Variants in SH3BP1 observed in about 807,000 individuals in gnomAD.
SH3BP1 encodes the protein SH3 domain-binding protein 1.
In SH3BP1, 46 loss-of-function variants were observed where a neutral mutation model predicts 69.8. The observed-to-expected ratio is 0.66, with a 90% confidence interval of 0.52 to 0.84. SH3BP1 has a LOEUF of 0.84. Ranked by LOEUF, SH3BP1 falls within the 40% of genes least tolerant of loss-of-function variation. The pLI, the probability that SH3BP1 is intolerant of heterozygous loss-of-function variation, is 0.00. For missense variants in SH3BP1, 868 were observed against 930.9 expected, an observed-to-expected ratio of 0.93 and a Z score of 0.88; for synonymous variants, 403 against 378.0, an observed-to-expected ratio of 1.07 and a Z score of -0.77.
chr22:37,651,434 A>G (rs1932877345), intron 16 of SH3BP1, among the ~76,000 whole-genome samples: 1 of 151,222 alleles, frequency 6.6e-6, no homozygotes. Flanking sequence ...GGTTCAAGCA[A>G]TTCTCCTGCC....
At position 37,650,610 on chromosome 22, in the gene SH3BP1, G is replaced by C; in HGVS notation, c.1483G>C (p.Ala495Pro). 6.2e-7 allele frequency: 1 copy of C among 1,614,000 alleles called. No individual in the cohort carries two copies. The highest frequency in any genetic ancestry group is 1.6e-4 in the Middle Eastern group (1 of 6,062). ...CCAGGACACAGTCAGTGACAGGCTG[G>C]CCTCTGAGGAACTTCCGTCCACTGC... ...TLQDTVSDRL[A>P]SEELPSTAVP... Residue 495 changes from alanine to proline, a missense_variant, in exon 16 of 18, where the codon GCC (alanine) becomes CCC (proline). This residue lies in a region of SH3BP1 where 474 missense variants were observed against 462.3 expected (regional missense o/e 1.03). Transcript: ENST00000649765.
intron 3 of SH3BP1, chr22:37,641,744 G>A (rs139978902): frequency 2.1e-4 from 89 of 423,974 alleles, no homozygotes; most frequent in Non-Finnish European, 3.1e-4. Flanking sequence ...CAATCAGTGC[G>A]CAAGAGCAGG....
Position 37,655,499 on chromosome 22 carries a change from TC to T in SH3BP1, c.1926del (p.Ser643AlafsTer15). ...GCGCCAAAGCCGGCGTTCACCAGCC[TC>T]CCCCAGCCCGGCCTCCCCAGGTCCA... ...ARRQSRRSPA[S>X]PSPASPGPAS... On this transcript the variant is annotated frameshift_variant, in exon 18 of 18. Coordinates refer to ENST00000649765, the MANE Select transcript of SH3BP1 (RefSeq NM_018957.6). LOFTEE classifies it low-confidence loss of function (END_TRUNC). 8.1e-7 allele frequency: 1 copy of T among 1,241,912 alleles called. No individual in the cohort carries two copies. The highest frequency in any genetic ancestry group is 1.0e-6 in the Non-Finnish European group (1 of 963,814). 76.9% of individuals were successfully genotyped at this position (1,241,912 alleles called of 1,614,324 possible). A position where few individuals can be genotyped will look rare whatever the true frequency, so the allele number is the denominator to read the frequency against.
chr22:37,646,893 C>G lies in SH3BP1; in HGVS notation c.1000C>G (p.Leu334Val). The G allele has an allele frequency of 6.4e-7, 1 of 1,563,098 alleles. No individual in the cohort carries two copies. Among genetic ancestry groups the G allele is most frequent in the South Asian group, 1.2e-5 (1 of 85,440 alleles). The change falls in exon 11 of 18, where the codon CTG (leucine) becomes GTG (valine). Residue 334 changes from leucine to valine, a missense_variant. Coordinates refer to ENST00000649765, the MANE Select transcript of SH3BP1 (RefSeq NM_018957.6). Reference protein sequence around the residue: ...KQTMASDPHSLEEFCSDPHAV... With the variant: ...KQTMASDPHSVEEFCSDPHAV... Reference sequence around the variant, plus strand: ...GACAATGGCCTCGGACCCCCACAGCCTGGAGGAGTTCTGCTCCGACCCGCA... The same window carrying G: ...GACAATGGCCTCGGACCCCCACAGCGTGGAGGAGTTCTGCTCCGACCCGCA...
intron 9 of SH3BP1, 70 bp from the exon 10 acceptor site, chr22:37,645,294 AG>A (rs1030631361): frequency 2.2e-5 from 34 of 1,538,658 alleles, no homozygotes; most frequent in African/African-American, 1.8e-4. Context: ...GAGGACATGA[AG>A]GGGGGGTGCC....
chr22:37,654,306 C>A (rs1932954385), intron 17 of SH3BP1, among the ~76,000 whole-genome samples: 1 of 152,132 alleles, frequency 6.6e-6, no homozygotes, highest in African/African-American at 2.4e-5. Context: ...CACAGTGGCT[C>A]ACACATGTAA....
At chr22:37,647,066 C>A in intron 11 of SH3BP1, 137 bp downstream of exon 11, 2 of 720,666 alleles carry the variant, frequency 2.8e-6, no homozygotes, top group Non-Finnish European at 2.2e-6. Flanking sequence ...AATGTGGGGT[C>A]CATCATGAGC....
chr22:37,645,937 T>G (rs1231583743), intron 10 of SH3BP1, among the ~76,000 whole-genome samples: 1 of 150,264 alleles, frequency 6.7e-6, no homozygotes, highest in East Asian at 2.0e-4. Flanking sequence ...CCTGCTGTGC[T>G]GGGGCCTCCT....
chr22:37,641,543 G>C, intron 3 of SH3BP1, 65 bp downstream of exon 3: 1 of 1,363,610 alleles, frequency 7.3e-7, no homozygotes. Flanking sequence ...GGGAAGCAAG[G>C]TCGGGGCTGG....
rs375662492 is a variant in SH3BP1, at chr22:37,642,844, G to C, written c.285-51G>C. On this transcript the variant is annotated intron_variant, in intron 4 of 17. Transcript: ENST00000649765. ...GGAGAGGCCCCACCAAGTGTTTCCAGTGGAGGTGAGGGCAGCGGGCGCCTG... is the reference window on the plus strand; with the variant it reads ...GGAGAGGCCCCACCAAGTGTTTCCACTGGAGGTGAGGGCAGCGGGCGCCTG... 1.6e-4 allele frequency: 261 copies of C among 1,596,798 alleles called. 1 individual carries two copies. Among genetic ancestry groups the C allele is most frequent in the Non-Finnish European group, 1.5e-4 (180 of 1,168,830 alleles).
rs1418276607 is a variant in SH3BP1, at chr22:37,646,548, A to G, written c.925-270A>G. ...TGGGATTACAGGCGTGAGCCACTGC[A>G]CCCGGCCCCTCCCTTCCACTTCTGA... On this transcript the variant is annotated intron_variant, in intron 10 of 17. Coordinates refer to ENST00000649765, the MANE Select transcript of SH3BP1 (RefSeq NM_018957.6). Among the ~76,000 whole-genome samples, 7 of 151,872 alleles carry G rather than the reference A, an allele frequency of 4.6e-5. No individual in the cohort carries two copies. In the East Asian group the frequency reaches 1.2e-3, roughly 25 times the overall value.
At chr22:37,650,078 T>C (rs1202980463) in intron 14 of SH3BP1, 74 bp from the exon 15 acceptor site, 11 of 1,513,868 alleles carry the variant, frequency 7.3e-6, no homozygotes, top group Non-Finnish European at 9.2e-6. Flanking sequence ...TGTGTCTCCA[T>C]TGCCCAGCAC....
At chr22:37,640,060 T>A (rs1456721546) in intron 1 of SH3BP1, among the ~76,000 whole-genome samples, 1 of 152,152 alleles carries the variant, frequency 6.6e-6, no homozygotes, top group Non-Finnish European at 1.5e-5. Context: ...GGGGAAGGGA[T>A]GCCCCCCCTT....
chr22:37,644,888 G>C lies in SH3BP1; in HGVS notation c.706G>C (p.Asp236His). 1 of 1,614,012 alleles carries C rather than the reference G, an allele frequency of 6.2e-7. No homozygotes were observed. The highest frequency in any genetic ancestry group is 8.5e-7 in the Non-Finnish European group (1 of 1,180,016). The change falls in exon 9 of 18, where the codon GAT becomes CAT. Residue 236 changes from aspartate to histidine, a missense_variant. Physicochemically the swap from Asp to His is moderately conservative, Grantham distance 81. Transcript: ENST00000649765. Reference protein sequence around the residue: ...YFIRLLEIQADYHRRSLSSLD... With the variant: ...YFIRLLEIQAHYHRRSLSSLD... ...CCCACAGCTCCTGGAGATTCAGGCC[G>C]ATTACCATCGCAGGTCACTGAGCTC... is the stretch of plus-strand genomic sequence containing the variant.
Position 37,650,145 on chromosome 22 carries a change from G to A in SH3BP1, c.1317-7G>A. 6.2e-7 allele frequency: 1 copy of A among 1,614,090 alleles called. No individual in the cohort carries two copies. The highest frequency in any genetic ancestry group is 1.1e-5 in the South Asian group (1 of 91,086). ...CTTTGCTGAGCAGATGCATCTCTTT[G>A]TCCCAGGGACCAGGCCCAGCTGGAT... On this transcript the variant is annotated splice_region_variant and splice_polypyrimidine_tract_variant and intron_variant, in intron 14 of 17. Coordinates refer to ENST00000649765, the MANE Select transcript of SH3BP1 (RefSeq NM_018957.6).
In SH3BP1 at chr22:37,647,318, A is replaced by G; in HGVS notation, c.1088A>G (p.Asp363Gly). 1 of 1,613,726 alleles carries G rather than the reference A, an allele frequency of 6.2e-7. No individual in the cohort carries two copies. The highest frequency in any genetic ancestry group is 8.5e-7 in the Non-Finnish European group (1 of 1,179,878). The stretch of plus-strand genomic sequence containing the variant: ...CTGCCAGAGCCTCTGATGACCTTCG[A>G]CCTCTATGATGACTGGATGAGGGCA... ...RELPEPLMTF[D>G]LYDDWMRAAS... Residue 363 changes from aspartate to glycine, a missense_variant, in exon 12 of 18, where the codon GAC becomes GGC. By Grantham distance (94) the Asp-to-Gly change is moderately conservative (BLOSUM62 -1). This residue lies in a region of SH3BP1 where 474 missense variants were observed against 462.3 expected (regional missense o/e 1.03). Coordinates refer to ENST00000649765, the MANE Select transcript of SH3BP1 (RefSeq NM_018957.6).
chr22:37,646,936 G>A lies in SH3BP1; in HGVS notation c.1036+7G>A, dbSNP rs768543606. 6.6e-7 allele frequency: 1 copy of A among 1,514,896 alleles called. No homozygotes were observed. The highest frequency in any genetic ancestry group is 1.2e-5 in the South Asian group (1 of 80,252). 93.8% of individuals were successfully genotyped at this position (1,514,896 alleles called of 1,614,324 possible). A position where few individuals can be genotyped will look rare whatever the true frequency, so the allele number is the denominator to read the frequency against. On this transcript the variant is annotated splice_region_variant and intron_variant, in intron 11 of 17. Coordinates refer to ENST00000649765, the MANE Select transcript of SH3BP1 (RefSeq NM_018957.6). ...GACCCGCACGCTGTGGCAGGTGCCT[G>A]ATCCGGGGAGCCCTGGGCAGGAGGT... is the stretch of plus-strand genomic sequence containing the variant.
In SH3BP1 at chr22:37,646,834, CTGCTGGGGCCTCGG is replaced by C; in HGVS notation, c.947_960del (p.Gly316GlufsTer46). On this transcript the variant is annotated frameshift_variant, in exon 11 of 18. Coordinates refer to ENST00000649765, the MANE Select transcript of SH3BP1 (RefSeq NM_018957.6). LOFTEE classifies it high-confidence loss of function. Reference sequence around the variant, plus strand: ...CGAACCCAGGGTCTCTTCCGTCTGGCTGCTGGGGCCTCGGTGCTGAAGCGTCTCAAGCAGACAAT... The same window carrying C: ...CGAACCCAGGGTCTCTTCCGTCTGGCTGCTGAAGCGTCTCAAGCAGACAAT... 6.5e-7 allele frequency: 1 copy of C among 1,539,636 alleles called. No individual in the cohort carries two copies. Among genetic ancestry groups the C allele is most frequent in the South Asian group, 1.2e-5 (1 of 82,888 alleles).
At position 37,643,792 on chromosome 22, in the gene SH3BP1, AG is replaced by A; in HGVS notation, c.618+7del. 5 of 1,612,542 alleles carry A rather than the reference AG, an allele frequency of 3.1e-6. No homozygotes were observed. The highest frequency in any genetic ancestry group is 3.4e-6 in the Non-Finnish European group (4 of 1,179,856). On this transcript the variant is annotated splice_donor_5th_base_variant and intron_variant, in intron 7 of 17. Transcript: ENST00000649765. ...GAGGAAAGTGGAGCAATGCAGGGTG[AG>A]GGCCATGGGGGTCCCCTGGATATGT...
Sources: allele counts gnomAD v4.1 joint callset (sites outside exome capture counted in the v4.1 genomes callset), GRCh38; gene constraint gnomAD v4.1.1; regional missense constraint gnomAD v4.1.1; transcripts MANE v1.5; gene names NCBI Gene and HGNC (gene_info 2026-07-23, HGNC 2026-07-21).